Variants in DIAPH3 observed in about 807,000 individuals in gnomAD.
DIAPH3 encodes the protein diaphanous related formin 3.
A neutral mutation model predicts 144.3 loss-of-function variants in DIAPH3; 117 were observed. The ratio of observed to expected loss-of-function variants is 0.81; its 90% CI spans 0.70 to 0.95. The LOEUF (loss-of-function observed/expected upper bound fraction) is 0.95, where lower values mean the gene tolerates loss of function less well. Ranked by LOEUF, DIAPH3 falls within the 40% of genes least tolerant of loss-of-function variation. The pLI, the probability that DIAPH3 is intolerant of heterozygous loss-of-function variation, is 0.00. For synonymous variants in DIAPH3, 519 were observed against 488.9 expected (o/e 1.06, Z -0.81); for missense variants, 1,421 against 1,412.7 (o/e 1.01, Z -0.09).
intron 27 of DIAPH3, among the ~76,000 whole-genome samples, chr13:59,726,340 T>C (rs2035601837): frequency 6.6e-6 from 1 of 152,184 alleles, no homozygotes; most frequent in African/African-American, 2.4e-5. Context: ...AATCAAATAA[T>C]GCTGAATTTG....
chr13:59,983,915 C>A, intron 12 of DIAPH3, 28 bp from the exon 13 acceptor site: 2 of 1,422,710 alleles, frequency 1.4e-6, no homozygotes, highest in South Asian at 1.2e-5. Flanking sequence ...AGTAAATGTA[C>A]AATTGATAAT....
At chr13:59,827,328 A>C (rs887426503) in intron 24 of DIAPH3, among the ~76,000 whole-genome samples, 1 of 152,104 alleles carries the variant, frequency 6.6e-6, no homozygotes, top group Non-Finnish European at 1.5e-5. Flanking sequence ...ACTCAAACAA[A>C]TTTACAAGGA....
At chr13:59,829,867 T>C (rs1022165573) in intron 24 of DIAPH3, among the ~76,000 whole-genome samples, 3 of 151,854 alleles carry the variant, frequency 2.0e-5, no homozygotes, top group African/African-American at 4.8e-5. Flanking sequence ...GGAGTAGGTA[T>C]GGAGTGAAGA....
intron 17 of DIAPH3, among the ~76,000 whole-genome samples, chr13:59,934,713 T>A (rs946998745): frequency 1.3e-5 from 2 of 152,092 alleles, no homozygotes; most frequent in African/African-American, 4.8e-5. Flanking sequence ...GCAGAGAATA[T>A]AAGCTACATG....
intron 4 of DIAPH3, among the ~76,000 whole-genome samples, chr13:60,070,645 AAAATT>A (rs1373949629): frequency 1.1e-4 from 16 of 152,154 alleles, no homozygotes; most frequent in Non-Finnish European, 2.1e-4. Context: ...TCAAGCCAAT[AAAATT>A]TCCCTTTTTG....
At chr13:60,158,092 C>CA (rs1230683279) in intron 1 of DIAPH3, among the ~76,000 whole-genome samples, 1 of 152,242 alleles carries the variant, frequency 6.6e-6, no homozygotes. Flanking sequence ...CAAAAAGCTA[C>CA]AAAAAATGAC....
intron 18 of DIAPH3, among the ~76,000 whole-genome samples, chr13:59,922,623 A>T (rs1031109680): frequency 2.0e-5 from 3 of 152,190 alleles, no homozygotes; most frequent in South Asian, 4.2e-4. Flanking sequence ...AAAAAACTAT[A>T]ATTACAATGA....
intron 4 of DIAPH3, among the ~76,000 whole-genome samples, chr13:60,075,414 T>C (rs891386991): frequency 2.6e-5 from 4 of 152,142 alleles, no homozygotes; most frequent in African/African-American, 9.7e-5. Context: ...CATACAAAAG[T>C]TTTTAGTTGT....
At chr13:60,057,135 T>G (rs1400410233) in intron 4 of DIAPH3, among the ~76,000 whole-genome samples, 1 of 151,794 alleles carries the variant, frequency 6.6e-6, no homozygotes, top group Non-Finnish European at 1.5e-5. Context: ...GATGTGATCT[T>G]ATAGCTAGAA....
At chr13:59,706,539 G>A (rs910551807) in intron 27 of DIAPH3, among the ~76,000 whole-genome samples, 4 of 152,176 alleles carry the variant, frequency 2.6e-5, no homozygotes, top group Non-Finnish European at 5.9e-5. Context: ...TCGTAAAGGT[G>A]ATTAAGTTAC....
chr13:59,782,808 C>T (rs545162832), intron 25 of DIAPH3, among the ~76,000 whole-genome samples: 2 of 152,040 alleles, frequency 1.3e-5, no homozygotes, highest in African/African-American at 2.4e-5. Context: ...CTTAAAGAAC[C>T]GATTTAAGAG....
chr13:59,926,358 C>A (rs2047751949), intron 17 of DIAPH3, among the ~76,000 whole-genome samples: 1 of 152,024 alleles, frequency 6.6e-6, no homozygotes, highest in South Asian at 2.1e-4. Context: ...CTTCTACTAA[C>A]TTTGGGTTTG....
In DIAPH3 at chr13:59,992,121, T is replaced by A. The variant is rs199772941; in HGVS notation, c.1191A>T (p.Glu397Asp). Residue 397 changes from glutamate to aspartate, a missense_variant, in exon 11 of 28, where the codon GAA becomes GAT. By Grantham distance (45) the Glu-to-Asp change is conservative. Transcript: ENST00000400324. ...GATGGGATAACTCAAACAAATCTTC[T>A]TCTTTATGCTCATCAAAGACTTTAA... The part of the protein sequence containing the change: ...IQLKVFDEHK[E>D]EDLFELSHRL... The A allele has an allele frequency of 2.5e-6, 4 of 1,612,084 alleles. No homozygotes were observed. The highest frequency in any genetic ancestry group is 3.4e-6 in the Non-Finnish European group (4 of 1,178,830).
chr13:60,110,246 C>T (rs1178673745), intron 3 of DIAPH3, among the ~76,000 whole-genome samples: 1 of 152,104 alleles, frequency 6.6e-6, no homozygotes, highest in Non-Finnish European at 1.5e-5. Flanking sequence ...TTGCACAATG[C>T]CAAAGCAAAG....
intron 17 of DIAPH3, among the ~76,000 whole-genome samples, chr13:59,926,369 G>A (rs1367653909): frequency 6.6e-6 from 1 of 151,932 alleles, no homozygotes; most frequent in East Asian, 1.9e-4. Context: ...TTTGGGTTTG[G>A]TTTGTTGTTT....
intron 9 of DIAPH3, among the ~76,000 whole-genome samples, chr13:60,000,595 G>A (rs1195165781): frequency 6.6e-6 from 1 of 151,970 alleles, no homozygotes; most frequent in African/African-American, 2.4e-5. Flanking sequence ...CAGATATTTA[G>A]AACCCTGAAT....
chr13:59,906,044 A>G (rs2046717840), intron 20 of DIAPH3, among the ~76,000 whole-genome samples: 1 of 152,204 alleles, frequency 6.6e-6, no homozygotes. Context: ...AGTAACTTCC[A>G]AAGATCATAT....
chr13:59,891,468 C>T (rs566260885), intron 20 of DIAPH3, among the ~76,000 whole-genome samples: 5 of 149,564 alleles, frequency 3.3e-5, no homozygotes, highest in Non-Finnish European at 7.4e-5. Context: ...AAACAATCTA[C>T]AATTCTATGA....
In DIAPH3 at chr13:60,011,837, G is replaced by A. The variant is rs558232072; in HGVS notation, c.772-1168C>T. On this transcript the variant is annotated intron_variant, in intron 7 of 27. Transcript: ENST00000400324. ...TGTAAACTCATTCTATAAATGAGAC[G>A]ATTGGGATTAGGATAAAGTTTATTT... 5.9e-5 allele frequency among the ~76,000 whole-genome samples: 9 copies of A among 152,132 alleles called. No homozygotes were observed. The South Asian group carries it at 1.2e-3, about 21-fold the overall frequency.
Sources: allele counts gnomAD v4.1 joint callset (sites outside exome capture counted in the v4.1 genomes callset), GRCh38; gene constraint gnomAD v4.1.1; transcripts MANE v1.5; gene names NCBI Gene and HGNC (gene_info 2026-07-23, HGNC 2026-07-21).